KCND2: variants seen among roughly 807,000 people sequenced by gnomAD.
KCND2 encodes the protein potassium voltage-gated channel subfamily D member 2.
In KCND2, 16 loss-of-function variants were observed where a neutral mutation model predicts 54.4. The ratio of observed to expected loss-of-function variants is 0.29; its 90% CI spans 0.20 to 0.45. The LOEUF is 0.45. KCND2 is among the 20% of genes least tolerant of loss of function. The probability of loss-of-function intolerance (pLI) is 1.00; values close to 1 mark genes in which losing one functional copy is unlikely to be tolerated. For synonymous variants in KCND2, 317 were observed against 310.7 expected (o/e 1.02, Z -0.21); for missense variants, 486 against 824.2 (o/e 0.59, Z 5.02).
rs976942302 is a variant in KCND2 at position 120,740,770 on chromosome 7, G to A, written c.1279-764G>A. The A allele has an allele frequency of 4.1e-5, 18 of 441,032 alleles. 1 individual carries two copies. Among genetic ancestry groups the A allele is most frequent in the Non-Finnish European group, 8.2e-5 (18 of 219,176 alleles). 27.3% of individuals were successfully genotyped at this position (441,032 alleles called of 1,614,324 possible). A position where few individuals can be genotyped will look rare whatever the true frequency, so the allele number is the denominator to read the frequency against. ...AAATGCTTTAAAAATGAAAAACAATGTTTAAATCTCTCTGGATAGGCTTAC... is the reference window on the plus strand; with the variant it reads ...AAATGCTTTAAAAATGAAAAACAATATTTAAATCTCTCTGGATAGGCTTAC... On this transcript the variant is annotated intron_variant, in intron 2 of 5. Coordinates refer to ENST00000331113, the MANE Select transcript of KCND2 (RefSeq NM_012281.3).
At chr7:120,337,102 A>G (rs1238587745) in intron 1 of KCND2, among the ~76,000 whole-genome samples, 1 of 152,128 alleles carries the variant, frequency 6.6e-6, no homozygotes, top group Non-Finnish European at 1.5e-5. Context: ...GTTTCTCACA[A>G]TTTCGAGAGC....
chr7:120,720,744 G>A (rs1164906126), intron 1 of KCND2, among the ~76,000 whole-genome samples: 2 of 152,102 alleles, frequency 1.3e-5, no homozygotes, highest in Admixed American at 6.5e-5. Flanking sequence ...CTGCAGCCTC[G>A]TGCTGGTGGC....
intron 1 of KCND2, among the ~76,000 whole-genome samples, chr7:120,709,822 A>G (rs994462608): frequency 2.6e-5 from 4 of 152,152 alleles, no homozygotes; most frequent in African/African-American, 9.7e-5. Flanking sequence ...CTTACATACC[A>G]TGGGTTCTCC....
chr7:120,524,318 G>A (rs1562863474), intron 1 of KCND2, among the ~76,000 whole-genome samples: 1 of 152,086 alleles, frequency 6.6e-6, no homozygotes, highest in African/African-American at 2.4e-5. Context: ...AAAGATAGGA[G>A]TAGAGTCTGA....
intron 1 of KCND2, among the ~76,000 whole-genome samples, chr7:120,427,003 C>T (rs1200782513): frequency 6.6e-6 from 1 of 152,144 alleles, no homozygotes; most frequent in African/African-American, 2.4e-5. Context: ...GAAATGTCTT[C>T]ATTGTCAAAT....
chr7:120,578,817 AT>A (rs1299559415), intron 1 of KCND2, among the ~76,000 whole-genome samples: 1 of 152,042 alleles, frequency 6.6e-6, no homozygotes, highest in African/African-American at 2.4e-5. Context: ...GTGAGTGAAG[AT>A]TGCACCATTG....
At chr7:120,470,390 A>G (rs1258966376) in intron 1 of KCND2, among the ~76,000 whole-genome samples, 1 of 152,136 alleles carries the variant, frequency 6.6e-6, no homozygotes, top group South Asian at 2.1e-4. Context: ...CTACTCTGCT[A>G]TCAAGCACTT....
intron 1 of KCND2, among the ~76,000 whole-genome samples, chr7:120,674,480 AAATG>A (rs149944602): frequency 1.8e-4 from 27 of 152,274 alleles, no homozygotes; most frequent in South Asian, 4.2e-4. Context: ...GCAGAAGAAT[AAATG>A]AATGAATGAA....
chr7:120,452,875 G>T (rs149185440), intron 1 of KCND2, among the ~76,000 whole-genome samples: 20 of 152,304 alleles, frequency 1.3e-4, no homozygotes, highest in Admixed American at 4.6e-4. Context: ...GGGCGGTCAT[G>T]CCCCTGAGAT....
chr7:120,384,959 G>A (rs911098990), intron 1 of KCND2, among the ~76,000 whole-genome samples: 1 of 138,030 alleles, frequency 7.2e-6, no homozygotes, highest in Non-Finnish European at 1.6e-5. Flanking sequence ...GTTACTCCTG[G>A]TTACTTTTCT....
At chr7:120,309,738 C>G (rs1054046110) in intron 1 of KCND2, among the ~76,000 whole-genome samples, 6 of 151,942 alleles carry the variant, frequency 3.9e-5, no homozygotes, top group Admixed American at 3.9e-4. Context: ...TTCAGATTCA[C>G]TTAACCCTTC....
intron 1 of KCND2, among the ~76,000 whole-genome samples, chr7:120,556,981 T>A (rs1792173820): frequency 6.6e-6 from 1 of 152,172 alleles, no homozygotes; most frequent in African/African-American, 2.4e-5. Context: ...ACAATGTGAA[T>A]CTCTAAATAT....
At chr7:120,676,890 G>A (rs1426490699) in intron 1 of KCND2, among the ~76,000 whole-genome samples, 2 of 152,176 alleles carry the variant, frequency 1.3e-5, no homozygotes, top group Non-Finnish European at 2.9e-5. Flanking sequence ...TAAGAACTAA[G>A]CATGCACTTT....
chr7:120,397,995 GTATATATATATATATATA>G lies in KCND2; in HGVS notation c.1115+122274_1115+122291del, dbSNP rs200944488. ...TAAGTGTGTGTGTGTGTGTGTGTGT[GTATATATATATATATATA>G]TATATATATATATATATATATATAT... is the stretch of plus-strand genomic sequence containing the variant. On this transcript the variant is annotated intron_variant, in intron 1 of 5. Transcript: ENST00000331113. Among the ~76,000 whole-genome samples the G allele has an allele frequency of 7.3e-3, 682 of 93,108 alleles. 6 individuals carry two copies. Among genetic ancestry groups the G allele is most frequent in the Middle Eastern group, 0.037 (6 of 160 alleles). 61.1% of individuals were successfully genotyped at this position (93,108 alleles called of 152,430 possible).
At chr7:120,299,661 A>G (rs1253290746) in intron 1 of KCND2, among the ~76,000 whole-genome samples, 1 of 152,206 alleles carries the variant, frequency 6.6e-6, no homozygotes, top group African/African-American at 2.4e-5. Flanking sequence ...CAAATGAAAC[A>G]TGATTTTCAC....
At chr7:120,494,605 A>G (rs1802825206) in intron 1 of KCND2, among the ~76,000 whole-genome samples, 1 of 152,152 alleles carries the variant, frequency 6.6e-6, no homozygotes, top group South Asian at 2.1e-4. Flanking sequence ...GCCTCTTTAA[A>G]CAATTCTAAA....
intron 1 of KCND2, among the ~76,000 whole-genome samples, chr7:120,401,858 A>G (rs930750350): frequency 2.0e-5 from 3 of 152,110 alleles, no homozygotes; most frequent in African/African-American, 4.8e-5. Flanking sequence ...TCTCTGAATA[A>G]CTTATATCCT....
intron 1 of KCND2, among the ~76,000 whole-genome samples, chr7:120,682,095 G>GT (rs746838262): frequency 6.6e-5 from 10 of 151,980 alleles, no homozygotes; most frequent in Admixed American, 5.9e-4. Flanking sequence ...CTGAGAGAAC[G>GT]TAAGTTATCA....
intron 1 of KCND2, among the ~76,000 whole-genome samples, chr7:120,450,821 A>G (rs761830853): frequency 4.6e-5 from 7 of 152,180 alleles, no homozygotes; most frequent in Non-Finnish European, 1.5e-5. Context: ...AGAGAACAAT[A>G]TTAAAGTGAA....
Sources: gnomAD v4.1 joint callset for allele counts (sites outside exome capture counted in the v4.1 genomes callset) on GRCh38, gnomAD v4.1.1 for gene constraint, MANE v1.5 for transcripts, NCBI Gene and HGNC (gene_info 2026-07-23, HGNC 2026-07-21) for gene names.